MALRD1: variants seen among roughly 807,000 people sequenced by gnomAD.
MALRD1 encodes MAM and LDL-receptor class A domain-containing protein 1.
MALRD1 carries 247 observed loss-of-function variants against 242.1 expected under a neutral mutation model. The ratio of observed to expected loss-of-function variants is 1.02; its 90% CI spans 0.92 to 1.13. The LOEUF (loss-of-function observed/expected upper bound fraction) is 1.13. Ranked by LOEUF, MALRD1 falls within the 50% of genes most tolerant of loss-of-function variation. The pLI is 0.00. For synonymous variants in MALRD1, 995 were observed against 866.6 expected (o/e 1.15, Z -2.60); for missense variants, 2,989 against 2,533.1 (o/e 1.18, Z -3.86).
At chr10:19,447,048 A>G (rs1044468372) in intron 28 of MALRD1, among the ~76,000 whole-genome samples, 17 of 101,790 alleles carry the variant, frequency 1.7e-4, no homozygotes, top group Admixed American at 1.6e-3. Flanking sequence ...AGGAACACAC[A>G]CACACACACA....
At chr10:19,324,298 C>T (rs1262432898) in intron 22 of MALRD1, among the ~76,000 whole-genome samples, 193 bp downstream of exon 22, 1 of 152,052 alleles carries the variant, frequency 6.6e-6, no homozygotes, top group Admixed American at 6.6e-5. Flanking sequence ...AATTTTTATT[C>T]TATTTAATTA....
chr10:19,271,841 T>C (rs566736997), intron 19 of MALRD1, among the ~76,000 whole-genome samples: 5 of 152,278 alleles, frequency 3.3e-5, no homozygotes, highest in Admixed American at 6.5e-5. Flanking sequence ...TTTGGTGTAC[T>C]TGCAAATGAA....
rs1836316274 is a variant in MALRD1 at position 19,567,652 on chromosome 10, A to G, written c.5629A>G (p.Ile1877Val). The part of the protein sequence containing the change: ...FEADLDGNED[I>V]FIALDDISFT... The stretch of plus-strand genomic sequence containing the variant: ...AGCTGATTTGGATGGAAATGAGGAC[A>G]TCTTTATTGCTCTTGATGACATCTC... Residue 1877 changes from isoleucine (I) to valine (V), a missense_variant, in exon 33 of 40, where the codon ATC becomes GTC. Ile to Val is a conservative substitution (Grantham distance 29). Coordinates refer to ENST00000454679, the MANE Select transcript of MALRD1 (RefSeq NM_001142308.3). 4 of 1,550,718 alleles carry G rather than the reference A, an allele frequency of 2.6e-6. No individual in the cohort carries two copies. Among genetic ancestry groups the G allele is most frequent in the Non-Finnish European group, 2.6e-6 (3 of 1,146,946 alleles).
chr10:19,286,755 G>GT (rs1393143231), intron 21 of MALRD1, among the ~76,000 whole-genome samples: 29 of 151,346 alleles, frequency 1.9e-4, no homozygotes, highest in African/African-American at 6.8e-4. Flanking sequence ...GGAGGAACTG[G>GT]TACCATTCCT....
chr10:19,541,084 T>A (rs1564426507), intron 32 of MALRD1, among the ~76,000 whole-genome samples: 1 of 152,220 alleles, frequency 6.6e-6, no homozygotes, highest in African/African-American at 2.4e-5. Flanking sequence ...ATTGTAAAAA[T>A]GCAATCTTAT....
chr10:19,600,808 C>T (rs1015622041), intron 34 of MALRD1, among the ~76,000 whole-genome samples: 1 of 152,066 alleles, frequency 6.6e-6, no homozygotes, highest in Non-Finnish European at 1.5e-5. Flanking sequence ...GCACAAAATG[C>T]CCTGTGTTAC....
rs1588948397 is a variant in MALRD1 at position 19,347,946 on chromosome 10, G to A, written c.4077G>A (p.Leu1359=). The A allele has an allele frequency of 1.3e-6, 2 of 1,550,302 alleles. No individual in the cohort carries two copies. The highest frequency in any genetic ancestry group is 1.7e-4 in the Middle Eastern group (1 of 5,988). The change falls in exon 25 of 40, where the codon TTG becomes TTA. Residue 1359 remains leucine (L), a synonymous_variant. Coordinates refer to ENST00000454679, the MANE Select transcript of MALRD1 (RefSeq NM_001142308.3). ...GTCATTACATCTTTATAAAGAGTTTGTTTCCTCAGCAGCCCATGAGAGCTG... is the reference window on the plus strand; with the variant it reads ...GTCATTACATCTTTATAAAGAGTTTATTTCCTCAGCAGCCCATGAGAGCTG... ...SSGHYIFIKS[L]FPQQPMRAAR...
intron 38 of MALRD1, among the ~76,000 whole-genome samples, chr10:19,698,914 A>G (rs890961012): frequency 1.3e-5 from 2 of 152,126 alleles, no homozygotes; most frequent in African/African-American, 4.8e-5. Context: ...GAAGCTGGGA[A>G]CCATTATTCT....
At chr10:19,319,325 AG>A (rs1420210735) in intron 21 of MALRD1, among the ~76,000 whole-genome samples, 1 of 152,114 alleles carries the variant, frequency 6.6e-6, no homozygotes, top group Non-Finnish European at 1.5e-5. Context: ...ATACCAGTCA[AG>A]GTTCATTTTT....
At chr10:19,558,847 G>A (rs1055111552) in intron 32 of MALRD1, among the ~76,000 whole-genome samples, 2 of 152,002 alleles carry the variant, frequency 1.3e-5, no homozygotes, top group Non-Finnish European at 2.9e-5. Context: ...CAAGGAATTG[G>A]TCAATTACAT....
chr10:19,395,901 T>C (rs1846555986), intron 28 of MALRD1, among the ~76,000 whole-genome samples: 1 of 152,106 alleles, frequency 6.6e-6, no homozygotes, highest in South Asian at 2.1e-4. Flanking sequence ...TCCACTGGAA[T>C]CTCTTCTGTC....
intron 7 of MALRD1, among the ~76,000 whole-genome samples, chr10:19,125,228 G>A (rs911907740): frequency 6.6e-6 from 1 of 152,046 alleles, no homozygotes; most frequent in Middle Eastern, 3.4e-3. Context: ...TTACAGGTTT[G>A]AGCCATCATG....
chr10:19,340,371 A>G (rs918472648), intron 24 of MALRD1, among the ~76,000 whole-genome samples: 1 of 150,906 alleles, frequency 6.6e-6, no homozygotes, highest in Admixed American at 6.6e-5. Context: ...ACCCATTAAC[A>G]TCCCCACAAG....
intron 34 of MALRD1, among the ~76,000 whole-genome samples, chr10:19,603,629 A>C (rs1838470105): frequency 6.6e-6 from 1 of 152,162 alleles, no homozygotes; most frequent in Non-Finnish European, 1.5e-5. Context: ...AGGTAGTGTG[A>C]TGCCTCCGGC....
chr10:19,062,798 G>T (rs1486390234), intron 1 of MALRD1, among the ~76,000 whole-genome samples: 3 of 152,074 alleles, frequency 2.0e-5, no homozygotes, highest in Non-Finnish European at 2.9e-5. Flanking sequence ...ATGGCTTCTG[G>T]GGATAGACGA....
chr10:19,423,929 T>C (rs1833807291), intron 28 of MALRD1, among the ~76,000 whole-genome samples: 1 of 152,292 alleles, frequency 6.6e-6, no homozygotes, highest in Middle Eastern at 3.4e-3. Context: ...AGGTGATTAT[T>C]TCATATGGAT....
At chr10:19,525,314 G>A (rs538551403) in intron 31 of MALRD1, among the ~76,000 whole-genome samples, 10 of 151,762 alleles carry the variant, frequency 6.6e-5, no homozygotes, top group African/African-American at 2.2e-4. Flanking sequence ...TTAAAATCTC[G>A]AGAGTGTAGC....
intron 33 of MALRD1, among the ~76,000 whole-genome samples, chr10:19,592,757 ACACACG>A (rs1213019880): frequency 1.7e-5 from 2 of 119,870 alleles, no homozygotes; most frequent in African/African-American, 6.0e-5. Flanking sequence ...ACACACACAC[ACACACG>A]CACGCACACA....
intron 21 of MALRD1, among the ~76,000 whole-genome samples, chr10:19,315,610 A>ATATTTATATAAATTATAAATAT (rs1438420223): frequency 2.3e-5 from 2 of 85,832 alleles, no homozygotes; most frequent in African/African-American, 7.2e-5. Flanking sequence ...TAAATTATAA[A>ATATTTATATAAATTATAAATAT]TATTTATATA....
Sources: allele counts gnomAD v4.1 joint callset (sites outside exome capture counted in the v4.1 genomes callset), GRCh38; gene constraint gnomAD v4.1.1; transcripts MANE v1.5; gene names NCBI Gene and HGNC (gene_info 2026-07-23, HGNC 2026-07-21).